The following ERC2 variants were observed in gnomAD, a reference collection of about 807,000 sequenced individuals.
ERC2 encodes ELKS/RAB6-interacting/CAST family member 2.
Under a neutral mutation model 114.8 loss-of-function variants are expected in ERC2, and 42 were observed. That is an observed-to-expected ratio of 0.37 (90% CI 0.29 to 0.47). The LOEUF is 0.47. Among genes scored for constraint, ERC2 ranks in the 20% least tolerant of loss-of-function variants. The probability of loss-of-function intolerance (pLI) is 0.99; values close to 1 mark genes in which losing one functional copy is unlikely to be tolerated. For missense variants in ERC2, 939 were observed against 1,150.7 expected, an observed-to-expected ratio of 0.82 and a Z score of 2.66; for synonymous variants, 454 against 425.5, an observed-to-expected ratio of 1.07 and a Z score of -0.82.
At chr3:56,030,519 T>C (rs2149620131) in intron 7 of ERC2, among the ~76,000 whole-genome samples, 1 of 152,348 alleles carries the variant, frequency 6.6e-6, no homozygotes, top group South Asian at 2.1e-4. Flanking sequence ...CATTTAGGAT[T>C]GCTATATCTT....
At chr3:56,130,135 A>G (rs1055180564) in intron 6 of ERC2, among the ~76,000 whole-genome samples, 2 of 152,236 alleles carry the variant, frequency 1.3e-5, no homozygotes, top group African/African-American at 4.8e-5. Flanking sequence ...TTTTAGTACA[A>G]TGGAAAATAA....
At chr3:55,847,213 C>T (rs569614474) in intron 14 of ERC2, among the ~76,000 whole-genome samples, 1 of 152,166 alleles carries the variant, frequency 6.6e-6, no homozygotes, top group African/African-American at 2.4e-5. Flanking sequence ...AATGGGAGAA[C>T]TTTACAGGCT....
intron 14 of ERC2, among the ~76,000 whole-genome samples, chr3:55,856,883 A>T (rs943856412): frequency 2.0e-4 from 31 of 152,366 alleles, no homozygotes; most frequent in African/African-American, 7.2e-4. Flanking sequence ...AAACCTTGAA[A>T]ACATTATGCT....
intron 17 of ERC2, among the ~76,000 whole-genome samples, chr3:55,664,277 C>T (rs1248701078): frequency 6.6e-6 from 1 of 152,088 alleles, no homozygotes; most frequent in Non-Finnish European, 1.5e-5. Flanking sequence ...GTTGCAAAAT[C>T]GACTTGAGTC....
chr3:56,460,627 C>T (rs1283653862), intron 1 of ERC2, among the ~76,000 whole-genome samples: 6 of 152,152 alleles, frequency 3.9e-5, no homozygotes, highest in East Asian at 1.9e-4. Context: ...ACAGAGCAAA[C>T]GTATCCATCA....
intron 3 of ERC2, among the ~76,000 whole-genome samples, chr3:56,193,966 G>A (rs2047945207): frequency 6.6e-6 from 1 of 152,152 alleles, no homozygotes; most frequent in South Asian, 2.1e-4. Context: ...AATAAACTGG[G>A]ACTCAGGGAG....
At chr3:55,928,765 C>G (rs761051178) in intron 13 of ERC2, among the ~76,000 whole-genome samples, 1 of 152,140 alleles carries the variant, frequency 6.6e-6, no homozygotes, top group East Asian at 1.9e-4. Context: ...GTCTTTTCTA[C>G]ATTTTGATTT....
intron 2 of ERC2, among the ~76,000 whole-genome samples, chr3:56,353,745 G>A (rs917814688): frequency 6.6e-6 from 1 of 151,284 alleles, no homozygotes; most frequent in Non-Finnish European, 1.5e-5. Context: ...CATGGCACAT[G>A]TATACATATG....
At chr3:55,970,842 C>G (rs1201723381) in intron 12 of ERC2, among the ~76,000 whole-genome samples, 1 of 152,124 alleles carries the variant, frequency 6.6e-6, no homozygotes, top group East Asian at 1.9e-4. Flanking sequence ...TGCAGATATA[C>G]AGCCATGAGA....
At chr3:56,201,469 T>G (rs989290264) in intron 3 of ERC2, among the ~76,000 whole-genome samples, 7 of 152,234 alleles carry the variant, frequency 4.6e-5, no homozygotes, top group Admixed American at 4.6e-4. Flanking sequence ...CAAGCCCTCT[T>G]TCCTTAATTG....
chr3:55,714,688 T>TACACATATATATATATATAC (rs1553639622), intron 15 of ERC2, among the ~76,000 whole-genome samples: 107 of 101,886 alleles, frequency 1.1e-3, no homozygotes, highest in Non-Finnish European at 1.7e-3. Flanking sequence ...TATATATATA[T>TACACATATATATATATATAC]ATATATATAT....
chr3:55,624,047 T>G (rs1376003787), intron 17 of ERC2, among the ~76,000 whole-genome samples: 1 of 152,130 alleles, frequency 6.6e-6, no homozygotes, highest in Non-Finnish European at 1.5e-5. Flanking sequence ...GAAAATTGGG[T>G]TAGGACTCCA....
chr3:56,214,263 G>T (rs1389708752), intron 3 of ERC2, among the ~76,000 whole-genome samples: 1 of 152,024 alleles, frequency 6.6e-6, no homozygotes, highest in Non-Finnish European at 1.5e-5. Context: ...TAGACGAATG[G>T]ATAACTAGAA....
At chr3:56,238,616 G>C (rs1443466668) in intron 3 of ERC2, among the ~76,000 whole-genome samples, 1 of 152,148 alleles carries the variant, frequency 6.6e-6, no homozygotes, top group Non-Finnish European at 1.5e-5. Context: ...GGGCTGCAGG[G>C]CCCAGGAGAG....
intron 2 of ERC2, among the ~76,000 whole-genome samples, chr3:56,388,872 T>C (rs1238129866): frequency 1.3e-5 from 2 of 152,126 alleles, no homozygotes; most frequent in East Asian, 1.9e-4. Context: ...CAAAAAATTA[T>C]CAACTCAATA....
rs561414069 is a variant in ERC2 at position 56,080,976 on chromosome 3, C to G, written c.1482G>C (p.Ala494=). The G allele has an allele frequency of 1.9e-6, 3 of 1,611,706 alleles. No individual in the cohort carries two copies. The highest frequency in any genetic ancestry group is 1.1e-5 in the South Asian group (1 of 90,828). ...RAAILQTEVD[A]LRLRLEEKES... ...CTTTTTCTTCCAGTCGTAATCTCAG[C>G]GCATCTACCTGAAATCAGGAAAAAG... The change falls in exon 7 of 18, where the codon GCG becomes GCC. Residue 494 remains alanine, a synonymous_variant. Coordinates refer to ENST00000288221, the MANE Select transcript of ERC2 (RefSeq NM_015576.3).
At chr3:56,238,096 A>G (rs915530147) in intron 3 of ERC2, among the ~76,000 whole-genome samples, 1 of 152,276 alleles carries the variant, frequency 6.6e-6, no homozygotes, top group South Asian at 2.1e-4. Flanking sequence ...GCACATGACA[A>G]ACCCCAAAAT....
intron 14 of ERC2, among the ~76,000 whole-genome samples, chr3:55,794,773 AG>A (rs2070341351): frequency 6.6e-6 from 1 of 152,204 alleles, no homozygotes; most frequent in South Asian, 2.1e-4. Context: ...GATACCTTCC[AG>A]AAAATTAACA....
At chr3:55,638,028 C>T (rs2060026296) in intron 17 of ERC2, among the ~76,000 whole-genome samples, 1 of 152,134 alleles carries the variant, frequency 6.6e-6, no homozygotes, top group Non-Finnish European at 1.5e-5. Context: ...GGCTCTTAAG[C>T]CAGATTCCTC....
Sources: gnomAD v4.1 joint callset for allele counts (sites outside exome capture counted in the v4.1 genomes callset) on GRCh38, gnomAD v4.1.1 for gene constraint, MANE v1.5 for transcripts, NCBI Gene and HGNC (gene_info 2026-07-23, HGNC 2026-07-21) for gene names.